The following CDON variants were observed in gnomAD, a reference collection of about 807,000 sequenced individuals.
CDON encodes cell adhesion molecule-related/down-regulated by oncogenes.
In CDON, 73 loss-of-function variants were observed where a neutral mutation model predicts 120.9. The ratio of observed to expected loss-of-function variants is 0.60; its 90% CI spans 0.50 to 0.73. The LOEUF (loss-of-function observed/expected upper bound fraction) is 0.73, where lower values mean the gene tolerates loss of function less well. Among genes scored for constraint, CDON ranks in the 30% least tolerant of loss-of-function variants. The pLI is 0.00. For missense variants in CDON, 1,470 were observed against 1,587.3 expected, an observed-to-expected ratio of 0.93 and a Z score of 1.26; for synonymous variants, 566 against 573.5, an observed-to-expected ratio of 0.99 and a Z score of 0.19.
intron 14 of CDON, among the ~76,000 whole-genome samples, chr11:125,994,041 G>C (rs569169359): frequency 6.6e-6 from 1 of 152,302 alleles, no homozygotes; most frequent in Admixed American, 6.5e-5. Context: ...TTTTCTTTCA[G>C]ATGAACTACT....
rs1036555752 is a variant in CDON, at chr11:126,038,806, ATAAG to A, written c.-61-15273_-61-15270del. On this transcript the variant is annotated intron_variant, in intron 1 of 19. Transcript: ENST00000531738. ...CTCTCTTCCTAGCTTCCCTGCCAAC[ATAAG>A]TAAGTACCTCAAGAGTAAAGGATCA... 1.2e-3 allele frequency among the ~76,000 whole-genome samples: 188 copies of A among 152,336 alleles called. 2 individuals carry two copies. Among genetic ancestry groups the A allele is most frequent in the African/African-American group, 4.2e-3 (173 of 41,576 alleles).
intron 1 of CDON, among the ~76,000 whole-genome samples, chr11:126,044,473 A>C (rs1948351233): frequency 6.6e-6 from 1 of 152,246 alleles, no homozygotes. Flanking sequence ...AATTGCCAAA[A>C]TATAGAATCA....
chr11:125,989,636 C>T lies in CDON; in HGVS notation c.2773+1G>A, dbSNP rs1272137401. ...CCAGGGAAAAGCAAAAATTCTCCTA[C>T]CTTTAGTCTCGCAGATCATCACATT... On this transcript the variant is annotated splice_donor_variant, in intron 15 of 19. Coordinates refer to ENST00000531738, the MANE Select transcript of CDON (RefSeq NM_001378964.1). LOFTEE classifies it high-confidence loss of function. The T allele has an allele frequency of 6.8e-6, 11 of 1,612,508 alleles. No homozygotes were observed. Among genetic ancestry groups the T allele is most frequent in the Non-Finnish European group, 9.3e-6 (11 of 1,178,932 alleles).
At chr11:126,033,402 C>T (rs1170595799) in intron 1 of CDON, among the ~76,000 whole-genome samples, 1 of 152,158 alleles carries the variant, frequency 6.6e-6, no homozygotes, top group African/African-American at 2.4e-5. Context: ...CAACAGCAGA[C>T]ACACGGAACT....
intron 13 of CDON, 47 bp from the exon 14 acceptor site, chr11:125,994,436 CCTT>C (rs1223792812): frequency 4.0e-6 from 4 of 994,952 alleles, no homozygotes; most frequent in African/African-American, 3.2e-5. Flanking sequence ...ATTAATGTAA[CCTT>C]CTCATTCATT....
At position 125,960,513 on chromosome 11, in the gene CDON, G is replaced by A. The variant is rs934443205; in HGVS notation, c.*429C>T. On this transcript the variant is annotated 3_prime_UTR_variant, in exon 20 of 20. Transcript: ENST00000531738. ...TCAAAAAACAAACAAAAAAAAGTCT[G>A]AGAATACACTATTGAAAGACCATTT... 1.6e-5 allele frequency: 3 copies of A among 190,880 alleles called. No homozygotes were observed. Among genetic ancestry groups the A allele is most frequent in the Admixed American group, 1.1e-4 (2 of 18,050 alleles). 11.8% of individuals were successfully genotyped at this position (190,880 alleles called of 1,614,324 possible).
At chr11:126,056,949 C>T (rs1330609225) in intron 1 of CDON, among the ~76,000 whole-genome samples, 2 of 152,168 alleles carry the variant, frequency 1.3e-5, no homozygotes, top group East Asian at 1.9e-4. Flanking sequence ...CTGGTGGTTA[C>T]TTCTGTACAA....
In CDON at chr11:125,993,392, C is replaced by T. The variant is rs201185848; in HGVS notation, c.2650+892G>A. On this transcript the variant is annotated intron_variant, in intron 14 of 19. Coordinates refer to ENST00000531738, the MANE Select transcript of CDON (RefSeq NM_001378964.1). ...TCTCTCACACACACATGCGCGCGTG[C>T]GTGCACACACACACACACACACACA... Among the ~76,000 whole-genome samples, 25 of 61,464 alleles carry T rather than the reference C, an allele frequency of 4.1e-4. No homozygotes were observed. The East Asian group carries it at 6.9e-3, about 17-fold the overall frequency. 40.3% of individuals were successfully genotyped at this position (61,464 alleles called of 152,430 possible). A position where few individuals can be genotyped will look rare whatever the true frequency, so the allele number is the denominator to read the frequency against.
chr11:126,042,573 T>G (rs1051559083), intron 1 of CDON, among the ~76,000 whole-genome samples: 1 of 152,248 alleles, frequency 6.6e-6, no homozygotes, highest in Admixed American at 6.5e-5. Flanking sequence ...AATTATTAGG[T>G]TTATAACTAC....
At position 126,010,407 on chromosome 11, in the gene CDON, C is replaced by T. The variant is rs777024756; in HGVS notation, c.1486G>A (p.Gly496Arg). The T allele has an allele frequency of 6.2e-7, 1 of 1,614,086 alleles. No individual in the cohort carries two copies. The highest frequency in any genetic ancestry group is 1.1e-5 in the South Asian group (1 of 91,078). ...HIQAVTQEHA[G>R]KYICEAANEH... ...TTTGCAGCTTCGCAGATGTATTTCC[C>T]CGCATGTTCCTGAGTCACAGCCTGA... is the stretch of plus-strand genomic sequence containing the variant. The change falls in exon 8 of 20, where the codon GGG becomes AGG. Residue 496 changes from glycine to arginine, a missense_variant. By Grantham distance (125) the Gly-to-Arg change is moderately radical (BLOSUM62 -2). Coordinates refer to ENST00000531738, the MANE Select transcript of CDON (RefSeq NM_001378964.1).
At chr11:125,981,970 C>CTTTTTTTTTGTTTTTTT (rs1946321129) in intron 16 of CDON, among the ~76,000 whole-genome samples, 1 of 54,290 alleles carries the variant, frequency 1.8e-5, no homozygotes, top group African/African-American at 8.0e-5. Context: ...ATTCTATTTT[C>CTTTTTTTTTGTTTTTTT]TTTTTTTTTT....
chr11:126,041,093 G>A (rs909766735), intron 1 of CDON, among the ~76,000 whole-genome samples: 5 of 151,278 alleles, frequency 3.3e-5, no homozygotes, highest in African/African-American at 9.7e-5. Context: ...GGAGGCTGAG[G>A]CAGGAGAATC....
chr11:126,004,117 T>C, intron 9 of CDON, 41 bp from the exon 10 acceptor site: 1 of 1,595,886 alleles, frequency 6.3e-7, no homozygotes, highest in Non-Finnish European at 8.6e-7. Flanking sequence ...AAGCAGGAGA[T>C]GGAGGATAGG....
At chr11:126,035,834 C>T (rs189065312) in intron 1 of CDON, among the ~76,000 whole-genome samples, 6 of 152,176 alleles carry the variant, frequency 3.9e-5, no homozygotes, top group Admixed American at 3.9e-4. Flanking sequence ...GTAAACATAA[C>T]ACAACATAGC....
intron 1 of CDON, among the ~76,000 whole-genome samples, chr11:126,043,009 T>C (rs567457830): frequency 4.4e-4 from 67 of 152,248 alleles, no homozygotes; most frequent in Admixed American, 7.8e-4. Flanking sequence ...TAGAACTAAA[T>C]TGAAAGGAAA....
intron 18 of CDON, 42 bp from the exon 19 acceptor site, chr11:125,962,040 G>T (rs767330597): frequency 1.4e-6 from 2 of 1,470,462 alleles, no homozygotes; most frequent in Middle Eastern, 1.8e-4. Context: ...GTGTCTAGAG[G>T]AACCAATAAT....
At position 125,961,060 on chromosome 11, in the gene CDON, C is replaced by T. The variant is rs765767255; in HGVS notation, c.3677G>A (p.Trp1226Ter). 6.2e-7 allele frequency: 1 copy of T among 1,613,902 alleles called. No individual in the cohort carries two copies. Among genetic ancestry groups the T allele is most frequent in the Admixed American group, 1.7e-5 (1 of 60,020 alleles). The change falls in exon 20 of 20, where the codon TGG becomes TAG. Residue 1226 changes from tryptophan (W) to a stop codon, truncating the protein, a stop_gained. Coordinates refer to ENST00000531738, the MANE Select transcript of CDON (RefSeq NM_001378964.1). LOFTEE classifies it high-confidence loss of function. The stretch of plus-strand genomic sequence containing the variant: ...GACAGGTGGCAAAATAAGAGCATTC[C>T]AACTTACAATGTTGATCTCTGTTTC... ...HSETEINIVS[W>*]NALILPPVPE...
At chr11:126,016,998 T>C (rs1021317877) in intron 6 of CDON, 90 bp downstream of exon 6, 7 of 1,108,376 alleles carry the variant, frequency 6.3e-6, no homozygotes, top group African/African-American at 6.2e-5. Flanking sequence ...ATACTCCCTA[T>C]TTCAATTTCA....
In CDON at chr11:125,961,800, A is replaced by G; in HGVS notation, c.3555T>C (p.Thr1185=). 6.2e-7 allele frequency: 1 copy of G among 1,614,166 alleles called. No individual in the cohort carries two copies. Among genetic ancestry groups the G allele is most frequent in the Non-Finnish European group, 8.5e-7 (1 of 1,180,020 alleles). ...CAATGTCCTGACAGCAGGTACGCTG[A>G]GTAGGGACTGGTTCCACATTGTCCT... The part of the protein sequence containing the change: ...SVKDNVEPVP[T]QRTCCQDIVN... Residue 1185 remains threonine (T), a synonymous_variant, in exon 19 of 20, where the codon ACT becomes ACC. Transcript: ENST00000531738.
Sources: allele counts gnomAD v4.1 joint callset (sites outside exome capture counted in the v4.1 genomes callset), GRCh38; gene constraint gnomAD v4.1.1; transcripts MANE v1.5; gene names NCBI Gene and HGNC (gene_info 2026-07-23, HGNC 2026-07-21).